The following USF3 variants were observed in gnomAD, a reference collection of about 807,000 sequenced individuals.
USF3 encodes basic helix-loop-helix domain-containing protein USF3.
A neutral mutation model predicts 157.5 loss-of-function variants in USF3; 29 were observed. The observed-to-expected ratio is 0.18, with a 90% CI of 0.14 to 0.25. The LOEUF is 0.25. Among genes scored for constraint, USF3 ranks in the 10% least tolerant of loss-of-function variants. The pLI, the probability that USF3 is intolerant of heterozygous loss-of-function variation, is 1.00. For synonymous variants in USF3, 893 were observed against 941.4 expected (o/e 0.95, Z 0.94); for missense variants, 2,381 against 2,667.6 (o/e 0.89, Z 2.37).
intron 1 of USF3, among the ~76,000 whole-genome samples, chr3:113,691,024 C>T (rs1707670507): frequency 6.6e-6 from 1 of 151,978 alleles, no homozygotes; most frequent in Non-Finnish European, 1.5e-5. Context: ...CCCATCTCTA[C>T]CAAAAATACA....
intron 5 of USF3, among the ~76,000 whole-genome samples, chr3:113,669,570 TG>T (rs1707103465): frequency 6.6e-6 from 1 of 151,944 alleles, no homozygotes; most frequent in Non-Finnish European, 1.5e-5. Context: ...TTTGTTTTTT[TG>T]TTTTCAGTGG....
chr3:113,672,040 G>A (rs539536640), intron 4 of USF3, among the ~76,000 whole-genome samples: 1 of 151,530 alleles, frequency 6.6e-6, no homozygotes, highest in Non-Finnish European at 1.5e-5. Flanking sequence ...CAAAGTGTTA[G>A]AATTACAGGC....
intron 4 of USF3, among the ~76,000 whole-genome samples, chr3:113,671,995 T>C (rs1220605551): frequency 6.6e-6 from 1 of 152,008 alleles, no homozygotes; most frequent in Non-Finnish European, 1.5e-5. Context: ...GGTTTTGAAC[T>C]CCTGGGCTCA....
At position 113,655,212 on chromosome 3, in the gene USF3, G is replaced by A. The variant is rs1947332369; in HGVS notation, c.6470C>T (p.Ser2157Phe). 1.9e-6 allele frequency: 3 copies of A among 1,614,188 alleles called. No individual in the cohort carries two copies. The highest frequency in any genetic ancestry group is 1.7e-5 in the Admixed American group (1 of 60,018). Reference protein sequence around the residue: ...SLNNRFGSILSPPRPVGFAQP... With the variant: ...SLNNRFGSILFPPRPVGFAQP... The stretch of plus-strand genomic sequence containing the variant: ...AGCAAACCCAACAGGTCTGGGAGGA[G>A]ATAAAATTGATCCAAATCGGTTATT... Residue 2157 changes from serine (S) to phenylalanine (F), a missense_variant, in exon 7 of 7, where the codon TCT (serine) becomes TTT (phenylalanine). Physicochemically the swap from Ser to Phe is radical, Grantham distance 155 (BLOSUM62 -2). This residue lies in a region of USF3 where 770 missense variants were observed against 824.2 expected (regional missense o/e 0.93). Coordinates refer to ENST00000316407, the MANE Select transcript of USF3 (RefSeq NM_001009899.4).
At chr3:113,667,451 C>G (rs1320377884) in intron 5 of USF3, among the ~76,000 whole-genome samples, 1 of 152,168 alleles carries the variant, frequency 6.6e-6, no homozygotes, top group Non-Finnish European at 1.5e-5. Flanking sequence ...TTTTCCTGGG[C>G]AAACATCTAT....
chr3:113,657,948 A>G lies in USF3; in HGVS notation c.3734T>C (p.Ile1245Thr). 4.3e-6 allele frequency: 7 copies of G among 1,614,192 alleles called. No homozygotes were observed. The highest frequency in any genetic ancestry group is 1.3e-5 in the African/African-American group (1 of 75,050). The change falls in exon 7 of 7, where the codon ATC (isoleucine) becomes ACC (threonine). Residue 1245 changes from isoleucine to threonine, a missense_variant. This residue lies in a region of USF3 where 1,435 missense variants were observed against 1,550.9 expected (regional missense o/e 0.93). Transcript: ENST00000316407. ...AGGATGGCTGATGCTGCTCTGATGG[A>G]TAAGATTATTCACACTTAAACTGGT... ...SITSLSVNNL[I>T]HQSSISHPLA... is the part of the protein sequence containing the mutation.
chr3:113,681,884 A>C (rs1011269935), intron 1 of USF3, among the ~76,000 whole-genome samples: 1 of 131,462 alleles, frequency 7.6e-6, no homozygotes, highest in Admixed American at 7.7e-5. Flanking sequence ...ACGCCTGGCT[A>C]ATTTTTTTGC....
Position 113,654,927 on chromosome 3 carries a change from AT to A in USF3, c.*16del, listed in dbSNP as rs1947325520. 6.3e-7 allele frequency: 1 copy of A among 1,593,150 alleles called. No individual in the cohort carries two copies. The highest frequency in any genetic ancestry group is 8.6e-7 in the Non-Finnish European group (1 of 1,168,252). ...TTGTAATCTCACTCATTACCTTTAC[AT>A]TTTGTTTATCAGTATTTAAACAGCT... On this transcript the variant is annotated 3_prime_UTR_variant, in exon 7 of 7. Coordinates refer to ENST00000316407, the MANE Select transcript of USF3 (RefSeq NM_001009899.4).
At position 113,650,406 on chromosome 3, in the gene USF3, T is replaced by C. The variant is rs1448121364; in HGVS notation, c.*4538A>G. On this transcript the variant is annotated 3_prime_UTR_variant, in exon 7 of 7. Coordinates refer to ENST00000316407, the MANE Select transcript of USF3 (RefSeq NM_001009899.4). ...GGGAGTATGACTCACTACCACACACTGATCCATACATGGTGGGCCCAATAA... is the reference window on the plus strand; with the variant it reads ...GGGAGTATGACTCACTACCACACACCGATCCATACATGGTGGGCCCAATAA... 1 of 153,420 alleles carries C rather than the reference T, an allele frequency of 6.5e-6. No homozygotes were observed. Among genetic ancestry groups the C allele is most frequent in the Non-Finnish European group, 1.4e-5 (1 of 68,972 alleles). The allele number at this position is 153,420 out of a possible 1,614,324, so 9.5% of individuals were successfully genotyped here.
chr3:113,656,633 C>G lies in USF3; in HGVS notation c.5049G>C (p.Gln1683His). 1 of 1,614,198 alleles carries G rather than the reference C, an allele frequency of 6.2e-7. No individual in the cohort carries two copies. The highest frequency in any genetic ancestry group is 1.1e-5 in the South Asian group (1 of 91,086). ...AACCCTGAATTGATATCCCCATTCTCTGCTCTGAATTAGAAGATGTCTTTC... is the reference window on the plus strand; with the variant it reads ...AACCCTGAATTGATATCCCCATTCTGTGCTCTGAATTAGAAGATGTCTTTC... ...LIGKTSSNSE[Q>H]RMGISIQGSR... Residue 1683 changes from glutamine (Q) to histidine (H), a missense_variant, in exon 7 of 7, where the codon CAG (glutamine) becomes CAC (histidine). Coordinates refer to ENST00000316407, the MANE Select transcript of USF3 (RefSeq NM_001009899.4).
chr3:113,688,340 G>A (rs375064165), intron 1 of USF3, among the ~76,000 whole-genome samples: 3 of 152,080 alleles, frequency 2.0e-5, no homozygotes, highest in Non-Finnish European at 4.4e-5. Context: ...GGCTGGTCTC[G>A]AATTCCTGAC....
Position 113,659,686 on chromosome 3 carries a change from A to G in USF3, c.1996T>C (p.Leu666=). Residue 666 remains leucine, a synonymous_variant, in exon 7 of 7, where the codon TTA becomes CTA. Transcript: ENST00000316407. Reference sequence around the variant, plus strand: ...TGCAAAGCAAAGAGCTGTCCATTTAAAGAAATGGTTTGAGGCTGTTGGTTT... The same window carrying G: ...TGCAAAGCAAAGAGCTGTCCATTTAGAGAAATGGTTTGAGGCTGTTGGTTT... ...MSNQQPQTIS[L]NGQLFALQPV... 6.2e-7 allele frequency: 1 copy of G among 1,614,236 alleles called. No homozygotes were observed.
chr3:113,655,402 G>T lies in USF3; in HGVS notation c.6280C>A (p.Arg2094=). The T allele has an allele frequency of 6.2e-7, 1 of 1,614,102 alleles. No individual in the cohort carries two copies. Among genetic ancestry groups the T allele is most frequent in the Non-Finnish European group, 8.5e-7 (1 of 1,180,014 alleles). ...IPQVTQPSAT[R]TPALIPVDPQ... ...TCTACCGGGATGAGGGCTGGAGTTC[G>T]AGTGGCACTAGGCTGAGTAACCTGT... Residue 2094 remains arginine, a synonymous_variant, in exon 7 of 7, where the codon CGA becomes AGA. Transcript: ENST00000316407.
In USF3 at chr3:113,655,110, G is replaced by A; in HGVS notation, c.6572C>T (p.Thr2191Ile). 1 of 1,614,136 alleles carries A rather than the reference G, an allele frequency of 6.2e-7. No homozygotes were observed. The highest frequency in any genetic ancestry group is 8.5e-7 in the Non-Finnish European group (1 of 1,179,980). ...TNSHLSNFNM[T>I]SLFPEIATAL... ...TGTGGCTATTTCTGGAAACAAAGAT[G>A]TCATATTAAAATTGGATAAGTGAGA... Residue 2191 changes from threonine (T) to isoleucine (I), a missense_variant, in exon 7 of 7, where the codon ACA (threonine) becomes ATA (isoleucine). Coordinates refer to ENST00000316407, the MANE Select transcript of USF3 (RefSeq NM_001009899.4).
chr3:113,687,275 T>C (rs1707579229), intron 1 of USF3, among the ~76,000 whole-genome samples: 1 of 148,874 alleles, frequency 6.7e-6, no homozygotes, highest in Non-Finnish European at 1.5e-5. Flanking sequence ...ACCCCCTTTC[T>C]AGTACTTCCT....
intron 1 of USF3, among the ~76,000 whole-genome samples, chr3:113,682,675 T>G (rs1707461095): frequency 6.6e-6 from 1 of 152,218 alleles, no homozygotes; most frequent in African/African-American, 2.4e-5. Context: ...AGTTGTTATA[T>G]CCTCTTGCTG....
In USF3 at chr3:113,659,844, A is replaced by G. The variant is rs1266101636; in HGVS notation, c.1838T>C (p.Ile613Thr). 6.2e-7 allele frequency: 1 copy of G among 1,614,218 alleles called. No individual in the cohort carries two copies. The change falls in exon 7 of 7, where the codon ATA (isoleucine) becomes ACA (threonine). Residue 613 changes from isoleucine (I) to threonine (T), a missense_variant. Ile to Thr is a moderately conservative substitution (Grantham distance 89). Coordinates refer to ENST00000316407, the MANE Select transcript of USF3 (RefSeq NM_001009899.4). ...ATTTTGCACTGAATTATTAGACCCT[A>G]TTACAGTATTGGCTCCATTGATGGG... ...RLPINGANTV[I>T]GSNNSVQNVP...
At chr3:113,674,193 A>G (rs933009505) in intron 3 of USF3, among the ~76,000 whole-genome samples, 4 of 152,262 alleles carry the variant, frequency 2.6e-5, no homozygotes, top group Non-Finnish European at 5.9e-5. Context: ...CACACTGACT[A>G]GAGCCTAAAT....
intron 1 of USF3, among the ~76,000 whole-genome samples, chr3:113,684,573 T>C (rs1489511841): frequency 2.0e-5 from 3 of 152,206 alleles, no homozygotes; most frequent in Non-Finnish European, 4.4e-5. Flanking sequence ...AGTATTTTCA[T>C]ATAGCCTGTC....
Sources: allele counts gnomAD v4.1 joint callset (sites outside exome capture counted in the v4.1 genomes callset), GRCh38; gene constraint gnomAD v4.1.1; regional missense constraint gnomAD v4.1.1; transcripts MANE v1.5; gene names NCBI Gene and HGNC (gene_info 2026-07-23, HGNC 2026-07-21).